Variants in ZNF148 observed in about 807,000 individuals in gnomAD.
The protein encoded by ZNF148 is Beta-Enolase Repressor Factor-1.
In ZNF148, 7 loss-of-function variants were observed where a neutral mutation model predicts 67.7. The ratio of observed to expected loss-of-function variants is 0.10; its 90% CI spans 0.06 to 0.19. The LOEUF (loss-of-function observed/expected upper bound fraction) is 0.19, where lower values mean the gene tolerates loss of function less well. ZNF148 is among the 10% of genes least tolerant of loss of function. The pLI is 1.00. For synonymous variants in ZNF148, 333 were observed against 330.7 expected (o/e 1.01, Z -0.08); for missense variants, 583 against 947.1 (o/e 0.62, Z 5.05).
Position 125,233,172 on chromosome 3 carries a change from T to C in ZNF148, c.1554A>G (p.Leu518=), listed in dbSNP as rs756600494. The change falls in exon 9 of 9, where the codon TTA becomes TTG. Residue 518 remains leucine (L), a synonymous_variant. Transcript: ENST00000360647. This position sits in a 1 kb window ranked among gnomAD's most constrained non-coding sequence, Gnocchi z 5.1. ...TCTCCACATTCAGTGCCTGTGACTCTAATATGGATGCCGTGGTACTTTCAT... is the reference window on the plus strand; with the variant it reads ...TCTCCACATTCAGTGCCTGTGACTCCAATATGGATGCCGTGGTACTTTCAT... The part of the protein sequence containing the change: ...VIDESTTASI[L]ESQALNVEIK... 3.1e-6 allele frequency: 5 copies of C among 1,613,912 alleles called. No homozygotes were observed. Among genetic ancestry groups the C allele is most frequent in the Non-Finnish European group, 4.2e-6 (5 of 1,179,898 alleles).
intron 7 of ZNF148, among the ~76,000 whole-genome samples, chr3:125,254,045 G>A (rs1322500745): frequency 6.6e-6 from 1 of 151,982 alleles, no homozygotes; most frequent in Non-Finnish European, 1.5e-5. Context: ...GGAGATATGT[G>A]AAAAAAATTT....
chr3:125,240,213 G>C (rs1377785993), intron 7 of ZNF148, among the ~76,000 whole-genome samples: 25 of 152,130 alleles, frequency 1.6e-4, no homozygotes, highest in Admixed American at 1.6e-3. Flanking sequence ...ACTGGAGAAA[G>C]CCGAGTGCAG....
intron 5 of ZNF148, among the ~76,000 whole-genome samples, chr3:125,281,817 T>C (rs1277756444): frequency 6.6e-6 from 1 of 152,186 alleles, no homozygotes; most frequent in Non-Finnish European, 1.5e-5. Flanking sequence ...CTTGGACATT[T>C]TATATTTTCC....
chr3:125,333,939 T>C (rs1313344217), intron 1 of ZNF148, among the ~76,000 whole-genome samples: 1 of 152,196 alleles, frequency 6.6e-6, no homozygotes, highest in Non-Finnish European at 1.5e-5. Flanking sequence ...TTTTATTGTA[T>C]CTATGCTATC....
intron 4 of ZNF148, among the ~76,000 whole-genome samples, chr3:125,308,030 G>C (rs1358816008): frequency 1.3e-5 from 2 of 152,032 alleles, no homozygotes; most frequent in Non-Finnish European, 2.9e-5. Context: ...ATGTCTACTT[G>C]CATCGCTTCT....
chr3:125,229,091 A>G lies in ZNF148; in HGVS notation c.*3250T>C, dbSNP rs1935747531. 1 of 152,500 alleles carries G rather than the reference A, an allele frequency of 6.6e-6. No homozygotes were observed. 9.4% of individuals were successfully genotyped at this position (152,500 alleles called of 1,614,324 possible). A position where few individuals can be genotyped will look rare whatever the true frequency, so the allele number is the denominator to read the frequency against. On this transcript the variant is annotated 3_prime_UTR_variant, in exon 9 of 9. Transcript: ENST00000360647. The stretch of plus-strand genomic sequence containing the variant: ...TTCAGACTCAAAATACTTCTCAATG[A>G]TTATTATAGTGCTTCTTCAAGTAAA...
At chr3:125,277,410 A>G (rs1560134333) in intron 7 of ZNF148, among the ~76,000 whole-genome samples, 2 of 152,186 alleles carry the variant, frequency 1.3e-5, no homozygotes, top group African/African-American at 2.4e-5. Context: ...CCTACCCCAG[A>G]CTAATTAACG....
intron 1 of ZNF148, among the ~76,000 whole-genome samples, chr3:125,359,178 T>C (rs1942460606): frequency 6.6e-6 from 1 of 152,210 alleles, no homozygotes; most frequent in African/African-American, 2.4e-5. Context: ...CCCTGGGCCC[T>C]CTCAGGCCTT....
intron 1 of ZNF148, among the ~76,000 whole-genome samples, chr3:125,350,137 C>G (rs112024437): frequency 0.016 from 2,291 of 147,546 alleles, 50 homozygotes; most frequent in African/African-American, 0.054. Flanking sequence ...CATATTTATC[C>G]AAAAGAATTG....
At chr3:125,286,118 T>C (rs980770603) in intron 5 of ZNF148, among the ~76,000 whole-genome samples, 1 of 152,124 alleles carries the variant, frequency 6.6e-6, no homozygotes, top group Non-Finnish European at 1.5e-5. Flanking sequence ...TCACAAATGA[T>C]TTTAGAAATA....
intron 1 of ZNF148, among the ~76,000 whole-genome samples, chr3:125,358,299 C>A (rs1942430600): frequency 6.6e-6 from 1 of 151,790 alleles, no homozygotes; most frequent in Non-Finnish European, 1.5e-5. Context: ...GGCAACAGAG[C>A]AAGATGCCAT....
chr3:125,337,469 G>A (rs1941546178), intron 1 of ZNF148, among the ~76,000 whole-genome samples: 1 of 152,058 alleles, frequency 6.6e-6, no homozygotes, highest in African/African-American at 2.4e-5. Context: ...AGGTTAGTAA[G>A]CCACCAAACT....
In ZNF148 at chr3:125,227,982, T is replaced by C. The variant is rs1248153249; in HGVS notation, c.*4359A>G. 2 of 152,618 alleles carry C rather than the reference T, an allele frequency of 1.3e-5. No homozygotes were observed. The highest frequency in any genetic ancestry group is 4.8e-5 in the African/African-American group (2 of 41,454). 9.5% of individuals were successfully genotyped at this position (152,618 alleles called of 1,614,324 possible). A position where few individuals can be genotyped will look rare whatever the true frequency, so the allele number is the denominator to read the frequency against. ...TATAATAGGTTTGTCTTTCTTTGTA[T>C]TGAAGTTGAATAAATTCATCTGATC... On this transcript the variant is annotated 3_prime_UTR_variant, in exon 9 of 9. Transcript: ENST00000360647.
intron 4 of ZNF148, among the ~76,000 whole-genome samples, chr3:125,306,213 T>TA (rs1477081922): frequency 6.6e-6 from 1 of 152,094 alleles, no homozygotes; most frequent in African/African-American, 2.4e-5. Context: ...AATGAATATC[T>TA]AAAATCAGTC....
At chr3:125,367,848 T>C (rs896723667) in intron 1 of ZNF148, among the ~76,000 whole-genome samples, 2 of 152,190 alleles carry the variant, frequency 1.3e-5, no homozygotes, top group Non-Finnish European at 2.9e-5. Context: ...AGTTACACTA[T>C]ACGAAGACGG....
chr3:125,237,536 C>T (rs1363817664), intron 7 of ZNF148, among the ~76,000 whole-genome samples: 3 of 151,966 alleles, frequency 2.0e-5, no homozygotes, highest in Non-Finnish European at 2.9e-5. Context: ...GAGCCAAGAT[C>T]GAGCCACTGT....
At chr3:125,295,741 T>C (rs1393062799) in intron 4 of ZNF148, among the ~76,000 whole-genome samples, 1 of 151,948 alleles carries the variant, frequency 6.6e-6, no homozygotes, top group Admixed American at 6.6e-5. Context: ...TTAAATAAGA[T>C]AACTCTGTAA....
chr3:125,327,066 A>G (rs1299967184), intron 2 of ZNF148, among the ~76,000 whole-genome samples: 9 of 152,030 alleles, frequency 5.9e-5, no homozygotes, highest in Non-Finnish European at 1.5e-5. Flanking sequence ...GATGGGAAAA[A>G]AAGGATATAC....
chr3:125,295,936 T>C (rs2107639458), intron 4 of ZNF148, among the ~76,000 whole-genome samples: 1 of 152,230 alleles, frequency 6.6e-6, no homozygotes, highest in Non-Finnish European at 1.5e-5. Flanking sequence ...TTAATTATCA[T>C]ACAATTAATA....
Sources: allele counts gnomAD v4.1 joint callset (sites outside exome capture counted in the v4.1 genomes callset), GRCh38; gene constraint gnomAD v4.1.1; non-coding constraint Gnocchi (gnomAD v3.1); transcripts MANE v1.5; gene names NCBI Gene and HGNC (gene_info 2026-07-23, HGNC 2026-07-21).